The following ESRRB variants were observed in gnomAD, a reference collection of about 807,000 sequenced individuals.
ESRRB encodes steroid hormone receptor ERR2.
Under a neutral mutation model 46.0 loss-of-function variants are expected in ESRRB, and 16 were observed. The ratio of observed to expected loss-of-function variants is 0.35; its 90% CI spans 0.24 to 0.53. The LOEUF is 0.53. ESRRB is among the 20% of genes least tolerant of loss of function. ESRRB has a pLI of 0.93. For missense variants in ESRRB, 488 were observed against 607.4 expected (o/e 0.80, Z 2.07); for synonymous variants, 246 against 259.6 (o/e 0.95, Z 0.50).
At chr14:76,324,000 G>T (rs1407578850) in intron 1 of ESRRB, among the ~76,000 whole-genome samples, 1 of 152,192 alleles carries the variant, frequency 6.6e-6, no homozygotes, top group African/African-American at 2.4e-5. Context: ...CACCCTGGCT[G>T]TTTGGGGAAG....
intron 5 of ESRRB, among the ~76,000 whole-genome samples, chr14:76,486,947 G>T (rs2140041242): frequency 6.6e-6 from 1 of 152,294 alleles, no homozygotes. Context: ...GGAGTGCCTG[G>T]GCTCCTTCTG....
chr14:76,362,363 A>T (rs1474724408), intron 1 of ESRRB, among the ~76,000 whole-genome samples: 1 of 152,142 alleles, frequency 6.6e-6, no homozygotes, highest in Non-Finnish European at 1.5e-5. Flanking sequence ...ATTTACCAAC[A>T]TCAACATCCC....
At position 76,499,929 on chromosome 14, in the gene ESRRB, C is replaced by T. The variant is rs1890596428; in HGVS notation, c.*1471C>T. ...AATGTCAAGCCATGATGGAAAATGC[C>T]CCTTCCAATCAGCTGCCTTCACAAG... On this transcript the variant is annotated 3_prime_UTR_variant, in exon 7 of 7. Transcript: ENST00000644823. 6.2e-7 allele frequency: 1 copy of T among 1,613,952 alleles called. No homozygotes were observed. Among genetic ancestry groups the T allele is most frequent in the Non-Finnish European group, 8.5e-7 (1 of 1,179,968 alleles).
chr14:76,473,158 G>A (rs770210039), intron 3 of ESRRB, among the ~76,000 whole-genome samples: 1 of 152,198 alleles, frequency 6.6e-6, no homozygotes. Context: ...GATCCTGAAC[G>A]AGTCGCCTGA....
chr14:76,330,871 C>T (rs1329298461), intron 1 of ESRRB, among the ~76,000 whole-genome samples: 1 of 152,044 alleles, frequency 6.6e-6, no homozygotes, highest in Non-Finnish European at 1.5e-5. Flanking sequence ...TGGGGCTGGC[C>T]ACGGAAAAGC....
At chr14:76,402,699 CT>C (rs1391033222) in intron 1 of ESRRB, among the ~76,000 whole-genome samples, 1 of 152,070 alleles carries the variant, frequency 6.6e-6, no homozygotes, top group East Asian at 1.9e-4. Flanking sequence ...TTCTTTCTTT[CT>C]TTTCTTTTCT....
chr14:76,355,341 C>G (rs142783311), intron 1 of ESRRB, among the ~76,000 whole-genome samples: 2 of 152,148 alleles, frequency 1.3e-5, no homozygotes, highest in Non-Finnish European at 2.9e-5. Flanking sequence ...GCCCTTCTCC[C>G]TTTCACCACT....
chr14:76,448,661 C>A (rs1223682596), intron 2 of ESRRB, among the ~76,000 whole-genome samples: 1 of 151,932 alleles, frequency 6.6e-6, no homozygotes, highest in Admixed American at 6.6e-5. Context: ...TTTCACTTAA[C>A]CCCATGTCCT....
intron 1 of ESRRB, among the ~76,000 whole-genome samples, chr14:76,428,848 G>C (rs1057016634): frequency 6.6e-6 from 1 of 152,224 alleles, no homozygotes; most frequent in Non-Finnish European, 1.5e-5. Context: ...TGCGGAATGA[G>C]ATTTCAATCA....
rs1056321096 is a variant in ESRRB, at chr14:76,332,052, C to G, written c.2+21136C>G. On this transcript the variant is annotated intron_variant, in intron 1 of 6. Coordinates refer to the ESRRB transcript ENST00000512784. Reference sequence around the variant, plus strand: ...CAATTTACAGATCATTTTACAACAGCCTTTCAACAAATATTTATGAAGCAT... The same window carrying G: ...CAATTTACAGATCATTTTACAACAGGCTTTCAACAAATATTTATGAAGCAT... Among the ~76,000 whole-genome samples the G allele has an allele frequency of 4.0e-5, 6 of 151,896 alleles. 1 individual carries two copies. Among genetic ancestry groups the G allele is most frequent in the Non-Finnish European group, 7.4e-5 (5 of 67,994 alleles).
intron 1 of ESRRB, among the ~76,000 whole-genome samples, chr14:76,317,824 A>G (rs1469468435): frequency 6.6e-6 from 1 of 152,194 alleles, no homozygotes; most frequent in Non-Finnish European, 1.5e-5. Context: ...TAGGCTCTCC[A>G]GCTCTATAAG....
chr14:76,378,495 GT>G (rs11444650), intron 1 of ESRRB, among the ~76,000 whole-genome samples: 25 of 150,784 alleles, frequency 1.7e-4, no homozygotes, highest in Admixed American at 1.3e-4. Context: ...ACCCTTTCCG[GT>G]TTTTTTTTGC....
intron 1 of ESRRB, among the ~76,000 whole-genome samples, chr14:76,387,395 C>A (rs1242316128): frequency 2.0e-5 from 3 of 152,224 alleles, no homozygotes; most frequent in Non-Finnish European, 4.4e-5. Flanking sequence ...GACAGTTCTG[C>A]AACAGAGCCT....
intron 2 of ESRRB, among the ~76,000 whole-genome samples, chr14:76,441,198 G>A (rs547007750): frequency 7.9e-5 from 12 of 152,224 alleles, no homozygotes; most frequent in Middle Eastern, 3.4e-3. Context: ...AACGACAGTC[G>A]CTGCCACCAC....
At chr14:76,462,732 ACACC>A in intron 3 of ESRRB, 71 bp downstream of exon 3, 2 of 1,146,532 alleles carry the variant, frequency 1.7e-6, no homozygotes, top group Non-Finnish European at 1.3e-6. Context: ...CCCCTGTGAG[ACACC>A]CACAAGCTGT....
chr14:76,402,255 C>T (rs778948306), intron 1 of ESRRB, among the ~76,000 whole-genome samples: 1 of 152,188 alleles, frequency 6.6e-6, no homozygotes, highest in Non-Finnish European at 1.5e-5. Context: ...GACTCCATGG[C>T]CCGGTCAAGT....
intron 5 of ESRRB, among the ~76,000 whole-genome samples, chr14:76,485,638 AG>A (rs1889981740): frequency 3.4e-5 from 5 of 147,186 alleles, no homozygotes; most frequent in African/African-American, 1.2e-4. Flanking sequence ...AGAGAGAGAG[AG>A]AGAGAGAGAG....
At chr14:76,416,994 G>A (rs747942297) in intron 1 of ESRRB, among the ~76,000 whole-genome samples, 27 of 152,014 alleles carry the variant, frequency 1.8e-4, no homozygotes, top group Non-Finnish European at 3.1e-4. Context: ...GAAATTAGCC[G>A]GGCATGGTGG....
intron 1 of ESRRB, among the ~76,000 whole-genome samples, chr14:76,419,640 G>A: frequency 6.6e-6 from 1 of 152,196 alleles, no homozygotes; most frequent in East Asian, 1.9e-4. Flanking sequence ...GAGTGAGGAT[G>A]GCGGGGAGGT....
Sources: gnomAD v4.1 joint callset for allele counts (sites outside exome capture counted in the v4.1 genomes callset) on GRCh38, gnomAD v4.1.1 for gene constraint, MANE v1.5 for transcripts, NCBI Gene and HGNC (gene_info 2026-07-23, HGNC 2026-07-21) for gene names.